ZC3H4: variants seen among roughly 807,000 people sequenced by gnomAD.
ZC3H4 encodes zinc finger CCCH-type containing 4, also known as zinc finger CCCH domain-containing protein 4.
In ZC3H4, 13 loss-of-function variants were observed where a neutral mutation model predicts 108.3. That is an observed-to-expected ratio of 0.12 (90% CI 0.08 to 0.19). The LOEUF (loss-of-function observed/expected upper bound fraction) is 0.19, where lower values mean the gene tolerates loss of function less well. ZC3H4 is among the 10% of genes least tolerant of loss of function. ZC3H4 has a pLI of 1.00. For missense variants in ZC3H4, 1,734 were observed against 1,838.8 expected, an observed-to-expected ratio of 0.94 and a Z score of 1.04; for synonymous variants, 917 against 749.6, an observed-to-expected ratio of 1.22 and a Z score of -3.65.
At chr19:47,068,129 AC>A (rs1357028012) in intron 14 of ZC3H4, among the ~76,000 whole-genome samples, 3 of 152,244 alleles carry the variant, frequency 2.0e-5, no homozygotes, top group Non-Finnish European at 2.9e-5. Flanking sequence ...ATAACTCACA[AC>A]CACCCCAGGA....
At chr19:47,112,802 ACT>A (rs2058057651) in intron 1 of ZC3H4, among the ~76,000 whole-genome samples, 1 of 150,700 alleles carries the variant, frequency 6.6e-6, no homozygotes, top group South Asian at 2.1e-4. Flanking sequence ...CCTTGCGGTC[ACT>A]CGCTCACTGG....
chr19:47,094,308 G>A (rs956543470), intron 3 of ZC3H4, 81 bp downstream of exon 3: 2 of 1,488,918 alleles, frequency 1.3e-6, no homozygotes, highest in South Asian at 1.2e-5. Context: ...CCTCTGGGGT[G>A]GACAGCAAAA....
intron 2 of ZC3H4, among the ~76,000 whole-genome samples, chr19:47,109,095 CTTT>C (rs372944250): frequency 6.6e-6 from 1 of 150,562 alleles, no homozygotes; most frequent in African/African-American, 2.4e-5. Flanking sequence ...ACACCCTTTT[CTTT>C]TTTTTTGCAA....
chr19:47,070,686 C>T (rs1402205351), intron 13 of ZC3H4, among the ~76,000 whole-genome samples: 1 of 152,178 alleles, frequency 6.6e-6, no homozygotes, highest in African/African-American at 2.4e-5. Context: ...CCACCTAAAG[C>T]CAAAGCCCAC....
intron 11 of ZC3H4, among the ~76,000 whole-genome samples, chr19:47,073,469 G>A (rs2057364596): frequency 6.6e-6 from 1 of 152,140 alleles, no homozygotes; most frequent in African/African-American, 2.4e-5. Context: ...CTACTCAGGA[G>A]GCTGAGGCAG....
intron 9 of ZC3H4, among the ~76,000 whole-genome samples, chr19:47,082,578 G>T (rs1170889413): frequency 6.6e-6 from 1 of 152,142 alleles, no homozygotes; most frequent in Non-Finnish European, 1.5e-5. Flanking sequence ...CTCCCAAAGC[G>T]CTGGGATTAT....
chr19:47,086,457 C>T lies in ZC3H4; in HGVS notation c.797G>A (p.Arg266Gln), dbSNP rs764677415. Residue 266 changes from arginine (R) to glutamine (Q), a missense_variant, in exon 6 of 15, where the codon CGA (arginine) becomes CAA (glutamine). This residue lies in a region of ZC3H4 where 403 missense variants were observed against 457.0 expected (regional missense o/e 0.88). Coordinates refer to ENST00000253048, the MANE Select transcript of ZC3H4 (RefSeq NM_015168.2). ...TCCCATAGAGCCTCTGCCCCTGCCTCGGCTGCCCCTGCCCATGCCGCGGCC... is the reference window on the plus strand; with the variant it reads ...TCCCATAGAGCCTCTGCCCCTGCCTTGGCTGCCCCTGCCCATGCCGCGGCC... ...SRGRGMGRGS[R>Q]GRGRGSMGGD... is the part of the protein sequence containing the mutation. 1.2e-6 allele frequency: 2 copies of T among 1,612,476 alleles called. No homozygotes were observed. The highest frequency in any genetic ancestry group is 2.2e-5 in the East Asian group (1 of 44,824).
intron 2 of ZC3H4, chr19:47,110,764 G>C: frequency 2.6e-6 from 1 of 384,078 alleles, no homozygotes; most frequent in South Asian, 1.1e-4. Context: ...GCCCAACGAG[G>C]GCTTAGCGAA....
intron 2 of ZC3H4, among the ~76,000 whole-genome samples, chr19:47,103,878 A>G (rs1007813183): frequency 1.3e-4 from 19 of 151,942 alleles, no homozygotes; most frequent in Admixed American, 6.6e-5. Flanking sequence ...CGGGAGGCAG[A>G]GCTTGCAGTG....
At position 47,112,540 on chromosome 19, in the gene ZC3H4, C is replaced by T; in HGVS notation, c.45G>A (p.Ser15=). The change falls in exon 2 of 15, where the codon TCG becomes TCA. Residue 15 remains serine (S), a synonymous_variant. Coordinates refer to ENST00000253048, the MANE Select transcript of ZC3H4 (RefSeq NM_015168.2). ...PGTPPPPPSE[S]PPPPSPPPPS... The stretch of plus-strand genomic sequence containing the variant: ...GCGGCGGCGGCGATGGCGGCGGCGG[C>T]GACTCTGATGGCGGCGGCGGGGGGG... 5 of 1,051,900 alleles carry T rather than the reference C, an allele frequency of 4.8e-6. No individual in the cohort carries two copies. The highest frequency in any genetic ancestry group is 4.6e-5 in the South Asian group (1 of 21,728). 65.2% of individuals were successfully genotyped at this position (1,051,900 alleles called of 1,614,324 possible).
rs1198601905 is a variant in ZC3H4, at chr19:47,092,111, G to A, written c.492+1859C>T. 2.0e-5 allele frequency among the ~76,000 whole-genome samples: 3 copies of A among 151,556 alleles called. No individual in the cohort carries two copies. In the South Asian group the frequency reaches 6.2e-4, roughly 31 times the overall value. The stretch of plus-strand genomic sequence containing the variant: ...TCCAGCTACTTAGGAGGCTGAGGCA[G>A]GAAGATCACCTGAGCCCAGGGAGCT... On this transcript the variant is annotated intron_variant, in intron 4 of 14. Coordinates refer to ENST00000253048, the MANE Select transcript of ZC3H4 (RefSeq NM_015168.2).
rs756860600 is a variant in ZC3H4 at position 47,079,558 on chromosome 19, C to CT, written c.1440+1954dup. The stretch of plus-strand genomic sequence containing the variant: ...AGCCGTGAGGCCTGACTGGCCACTG[C>CT]TTCCCCTGTCAAACAGCTCAGACCC... On this transcript the variant is annotated intron_variant, in intron 11 of 14. Coordinates refer to ENST00000253048, the MANE Select transcript of ZC3H4 (RefSeq NM_015168.2). Among the ~76,000 whole-genome samples, 141 of 150,574 alleles carry CT rather than the reference C, an allele frequency of 9.4e-4. 1 individual carries two copies. The highest frequency in any genetic ancestry group is 1.6e-3 in the Non-Finnish European group (109 of 67,998).
At chr19:47,109,321 T>C (rs1203003559) in intron 2 of ZC3H4, among the ~76,000 whole-genome samples, 4 of 152,206 alleles carry the variant, frequency 2.6e-5, no homozygotes, top group African/African-American at 7.2e-5. Flanking sequence ...CTTGGGGAAA[T>C]AGTTTCAAAT....
At chr19:47,104,071 C>A (rs1320073036) in intron 2 of ZC3H4, among the ~76,000 whole-genome samples, 1 of 152,124 alleles carries the variant, frequency 6.6e-6, no homozygotes, top group African/African-American at 2.4e-5. Flanking sequence ...GTAATCCCAG[C>A]ACTTTGGGAG....
At chr19:47,112,979 T>C (rs1441208211) in intron 1 of ZC3H4, among the ~76,000 whole-genome samples, 2 of 136,646 alleles carry the variant, frequency 1.5e-5, no homozygotes, top group African/African-American at 5.5e-5. Flanking sequence ...GCGAGGGGGG[T>C]GGGGGGTTAA....
At chr19:47,096,414 A>C (rs1012536538) in intron 2 of ZC3H4, among the ~76,000 whole-genome samples, 2 of 152,178 alleles carry the variant, frequency 1.3e-5, no homozygotes, top group African/African-American at 4.8e-5. Context: ...CCAGGCGTGG[A>C]GCAAAGTCCT....
chr19:47,078,108 A>AT (rs1027648055), intron 11 of ZC3H4, among the ~76,000 whole-genome samples: 1 of 151,940 alleles, frequency 6.6e-6, no homozygotes, highest in Non-Finnish European at 1.5e-5. Flanking sequence ...CACTTAAAAA[A>AT]TTTTTTTTCC....
intron 2 of ZC3H4, among the ~76,000 whole-genome samples, chr19:47,108,957 AAC>A (rs1392451788): frequency 6.6e-6 from 1 of 152,230 alleles, no homozygotes; most frequent in African/African-American, 2.4e-5. Context: ...CCATGGTCAC[AAC>A]AGACTTTTTT....
intron 9 of ZC3H4, among the ~76,000 whole-genome samples, chr19:47,083,848 C>A (rs1160499163): frequency 3.9e-5 from 6 of 152,190 alleles, no homozygotes; most frequent in Non-Finnish European, 7.3e-5. Flanking sequence ...GGGTAAGAAG[C>A]TGCCGGCTGA....
Sources: allele counts gnomAD v4.1 joint callset (sites outside exome capture counted in the v4.1 genomes callset), GRCh38; gene constraint gnomAD v4.1.1; regional missense constraint gnomAD v4.1.1; transcripts MANE v1.5; gene names NCBI Gene and HGNC (gene_info 2026-07-23, HGNC 2026-07-21).